Variants in WDPCP observed in about 807,000 individuals in gnomAD.
WDPCP encodes WD repeat containing planar cell polarity effector, also known as WD repeat-containing and planar cell polarity effector protein fritz homolog.
WDPCP carries 71 observed loss-of-function variants against 93.1 expected under a neutral mutation model. That is an observed-to-expected ratio of 0.76 (90% CI 0.63 to 0.93). WDPCP has a LOEUF of 0.93. WDPCP is among the 40% of genes least tolerant of loss of function. WDPCP has a pLI of 0.00. For missense variants in WDPCP, 844 were observed against 887.4 expected (o/e 0.95, Z 0.62); for synonymous variants, 315 against 315.0 (o/e 1.00, Z 0.00).
intron 2 of WDPCP, among the ~76,000 whole-genome samples, chr2:63,754,553 G>C (rs548764937): frequency 2.0e-5 from 3 of 152,306 alleles, no homozygotes; most frequent in East Asian, 3.9e-4. Flanking sequence ...TACAAAGTTG[G>C]TGTATTTGTT....
intron 1 of WDPCP, among the ~76,000 whole-genome samples, chr2:63,817,069 GT>G (rs1670942359): frequency 6.6e-6 from 1 of 151,806 alleles, no homozygotes; most frequent in Non-Finnish European, 1.5e-5. Flanking sequence ...CAGGCGAATA[GT>G]TTGTCAAAAA....
intron 9 of WDPCP, 47 bp downstream of exon 9, chr2:63,433,698 A>G: frequency 4.8e-6 from 7 of 1,467,712 alleles, no homozygotes; most frequent in African/African-American, 1.4e-5. Context: ...TAATAATTCT[A>G]TTTTATTTAC....
intron 6 of WDPCP, among the ~76,000 whole-genome samples, chr2:63,459,670 C>G (rs535657501): frequency 6.6e-6 from 1 of 152,186 alleles, no homozygotes; most frequent in Non-Finnish European, 1.5e-5. Flanking sequence ...AATCCCAGCA[C>G]TTTGGGAGGC....
chr2:63,651,315 A>G (rs1474033567), intron 2 of WDPCP, among the ~76,000 whole-genome samples: 4 of 152,220 alleles, frequency 2.6e-5, no homozygotes, highest in African/African-American at 9.6e-5. Flanking sequence ...AAGACATGAA[A>G]TTATAAAAAT....
At chr2:63,295,880 CAAAAAA>C (rs59418675) in intron 13 of WDPCP, among the ~76,000 whole-genome samples, 70 of 115,198 alleles carry the variant, frequency 6.1e-4, no homozygotes, top group African/African-American at 7.7e-4. Context: ...GAAACTATTC[CAAAAAA>C]AAAAAAAAAA....
intron 3 of WDPCP, among the ~76,000 whole-genome samples, chr2:63,603,655 C>CT (rs11297982): frequency 0.017 from 1,637 of 99,010 alleles, 40 homozygotes; most frequent in South Asian, 0.03. Context: ...CAAGACATTT[C>CT]TTTTTTTTTT....
At chr2:63,269,769 G>C (rs1682468881) in intron 13 of WDPCP, among the ~76,000 whole-genome samples, 1 of 152,088 alleles carries the variant, frequency 6.6e-6, no homozygotes, top group Non-Finnish European at 1.5e-5. Flanking sequence ...TGTCCTGTAT[G>C]ATGCTTTGAT....
chr2:63,640,370 T>C (rs1005543439), intron 3 of WDPCP, among the ~76,000 whole-genome samples: 5 of 152,208 alleles, frequency 3.3e-5, no homozygotes, highest in Non-Finnish European at 7.3e-5. Context: ...AGTGTTCCCC[T>C]GTAGTCCCAG....
upstream of WDPCP, among the ~76,000 whole-genome samples, chr2:63,591,599 C>G (rs575320929): frequency 3.3e-5 from 5 of 152,162 alleles, no homozygotes; most frequent in Non-Finnish European, 7.4e-5. Flanking sequence ...CTCTTCAGCC[C>G]CCCTTTTCTT....
At chr2:63,545,745 G>A (rs561796901) in intron 1 of WDPCP, among the ~76,000 whole-genome samples, 2 of 151,584 alleles carry the variant, frequency 1.3e-5, no homozygotes, top group African/African-American at 2.4e-5. Context: ...GTATTCTCTA[G>A]AGGCTGAAGG....
intron 17 of WDPCP, among the ~76,000 whole-genome samples, chr2:63,125,681 C>T (rs1403481145): frequency 2.0e-5 from 3 of 152,118 alleles, no homozygotes; most frequent in African/African-American, 7.2e-5. Flanking sequence ...GATCTCGGCT[C>T]ACTGCAACCT....
intron 2 of WDPCP, among the ~76,000 whole-genome samples, chr2:63,491,370 T>A (rs1330154150): frequency 6.6e-6 from 1 of 152,212 alleles, no homozygotes; most frequent in East Asian, 1.9e-4. Context: ...GGAAGCCCTG[T>A]GTACACACAT....
At chr2:63,643,511 T>C (rs1337882883) in intron 3 of WDPCP, 1 of 405,218 alleles carries the variant, frequency 2.5e-6, no homozygotes, top group Non-Finnish European at 4.8e-6. Flanking sequence ...CATACACAGG[T>C]TACCAATGTT....
At chr2:63,773,030 G>T (rs1392185367) in intron 2 of WDPCP, among the ~76,000 whole-genome samples, 1 of 151,970 alleles carries the variant, frequency 6.6e-6, no homozygotes, top group Non-Finnish European at 1.5e-5. Flanking sequence ...GATCATATAT[G>T]TACAAAATCC....
At chr2:63,367,041 T>C (rs989888724) in intron 12 of WDPCP, among the ~76,000 whole-genome samples, 3 of 151,300 alleles carry the variant, frequency 2.0e-5, no homozygotes, top group African/African-American at 7.3e-5. Flanking sequence ...TCAATCCATA[T>C]ATTTATATGA....
intron 13 of WDPCP, among the ~76,000 whole-genome samples, chr2:63,285,739 A>G (rs1431393986): frequency 6.6e-6 from 1 of 152,196 alleles, no homozygotes; most frequent in Admixed American, 6.5e-5. Flanking sequence ...AAGTAGAAGT[A>G]ATGAAATCCA....
rs1430036714 is a variant in WDPCP at position 63,123,040 on chromosome 2, C to T, written c.2191-984G>A. On this transcript the variant is annotated intron_variant, in intron 17 of 17. Coordinates refer to ENST00000272321, the MANE Select transcript of WDPCP (RefSeq NM_015910.7). ...ATGTGCCTGTAGACCTTGATGTACACAAAATTGAAAAAAAAAAAAAAACCT... is the reference window on the plus strand; with the variant it reads ...ATGTGCCTGTAGACCTTGATGTACATAAAATTGAAAAAAAAAAAAAAACCT... Among the ~76,000 whole-genome samples the T allele has an allele frequency of 3.7e-5, 4 of 106,850 alleles. No homozygotes were observed. In the Admixed American group the frequency reaches 3.9e-4, roughly 10 times the overall value. The allele number at this position is 106,850 out of a possible 152,430, so 70.1% of individuals were successfully genotyped here.
intron 1 of WDPCP, among the ~76,000 whole-genome samples, chr2:63,557,704 G>C (rs113777370): frequency 6.6e-6 from 1 of 151,792 alleles, no homozygotes; most frequent in Non-Finnish European, 1.5e-5. Context: ...CATTCTTCTC[G>C]GTGCCACATT....
Position 63,231,052 on chromosome 2 carries a change from A to T in WDPCP, c.1915+28255T>A, listed in dbSNP as rs368913587. Among the ~76,000 whole-genome samples, 49 of 152,308 alleles carry T rather than the reference A, an allele frequency of 3.2e-4. 2 individuals carry two copies. In the South Asian group the frequency reaches 9.9e-3, roughly 31 times the overall value. On this transcript the variant is annotated intron_variant, in intron 14 of 17. Coordinates refer to ENST00000272321, the MANE Select transcript of WDPCP (RefSeq NM_015910.7). The stretch of plus-strand genomic sequence containing the variant: ...CACATCAAAAAGCTTATCCACCACG[A>T]TCAAGTGGGCTTCATCCCTGGGATG...
Sources: allele counts gnomAD v4.1 joint callset (sites outside exome capture counted in the v4.1 genomes callset), GRCh38; gene constraint gnomAD v4.1.1; transcripts MANE v1.5; gene names NCBI Gene and HGNC (gene_info 2026-07-23, HGNC 2026-07-21).